FUBP3: variants seen among roughly 807,000 people sequenced by gnomAD.
FUBP3 encodes far upstream element binding protein 3, also known as far upstream element-binding protein 3.
Under a neutral mutation model 85.6 loss-of-function variants are expected in FUBP3, and 28 were observed. That is an observed-to-expected ratio of 0.33 (90% CI 0.24 to 0.45). The LOEUF is 0.45. Among genes scored for constraint, FUBP3 ranks in the 20% least tolerant of loss-of-function variants. The pLI is 1.00. For synonymous variants in FUBP3, 271 were observed against 271.4 expected (o/e 1.00, Z 0.01); for missense variants, 583 against 755.1 (o/e 0.77, Z 2.67).
chr9:130,626,590 G>A lies in FUBP3; in HGVS notation c.1117+85G>A, dbSNP rs1434331964. ...TCACGGGACCTCCAGAACCTTTGGT[G>A]AGGTCCCTTTGCTGCTGCAGGCTGG... is the stretch of plus-strand genomic sequence containing the variant. On this transcript the variant is annotated intron_variant, in intron 12 of 18. Transcript: ENST00000319725. The A allele has an allele frequency of 3.6e-6, 5 of 1,406,770 alleles. No homozygotes were observed. The Admixed American group carries it at 9.2e-5, about 26-fold the overall frequency. The allele number at this position is 1,406,770 out of a possible 1,614,324, so 87.1% of individuals were successfully genotyped here. A position where few individuals can be genotyped will look rare whatever the true frequency, so the allele number is the denominator to read the frequency against.
At position 130,602,611 on chromosome 9, in the gene FUBP3, C is replaced by CT. The variant is rs1364221721; in HGVS notation, c.190+7026dup. On this transcript the variant is annotated intron_variant, in intron 2 of 18. Transcript: ENST00000319725. ...GAAGTGAATCTCAGAAGTGTTGATA[C>CT]TTTCCCTGAATGGGGGATGATGACA... Among the ~76,000 whole-genome samples the CT allele has an allele frequency of 4.6e-5, 7 of 152,250 alleles. No homozygotes were observed. In the East Asian group the frequency reaches 1.4e-3, roughly 30 times the overall value.
At chr9:130,617,483 C>A (rs541030126) in intron 7 of FUBP3, among the ~76,000 whole-genome samples, 1 of 152,348 alleles carries the variant, frequency 6.6e-6, no homozygotes, top group South Asian at 2.1e-4. Context: ...CACAGAAGTT[C>A]TAATCACATA....
At chr9:130,594,684 G>A (rs539652046) in intron 1 of FUBP3, among the ~76,000 whole-genome samples, 3 of 152,140 alleles carry the variant, frequency 2.0e-5, no homozygotes, top group African/African-American at 7.2e-5. Flanking sequence ...ACTTGAGCTT[G>A]GAAAATTGAG....
chr9:130,601,399 AG>A (rs1451681318), intron 2 of FUBP3, among the ~76,000 whole-genome samples: 1 of 151,802 alleles, frequency 6.6e-6, no homozygotes, highest in Non-Finnish European at 1.5e-5. Flanking sequence ...TTTCTTCCTC[AG>A]GAGCATTTTT....
rs898836204 is a variant in FUBP3, at chr9:130,616,099, G to GC, written c.405-255dup. ...CACCTTTGTGGAGACACAAGCATGA[G>GC]CAGAGGGCAGGCTTGAAAGGGGCGG... is the stretch of plus-strand genomic sequence containing the variant. On this transcript the variant is annotated intron_variant, in intron 6 of 18. Coordinates refer to ENST00000319725, the MANE Select transcript of FUBP3 (RefSeq NM_003934.2). This position sits in a 1 kb window ranked among gnomAD's most constrained non-coding sequence, Gnocchi z 4.7. Among the ~76,000 whole-genome samples the GC allele has an allele frequency of 6.6e-6, 1 of 151,854 alleles. No individual in the cohort carries two copies. The highest frequency in any genetic ancestry group is 1.5e-5 in the Non-Finnish European group (1 of 68,040).
intron 2 of FUBP3, chr9:130,596,627 G>A (rs757641815): frequency 4.3e-5 from 18 of 420,170 alleles, no homozygotes; most frequent in South Asian, 3.0e-4. Context: ...TTCCCAAGTA[G>A]CTGGGACTAC....
At position 130,637,031 on chromosome 9, in the gene FUBP3, C is replaced by A. The variant is rs1419908627; in HGVS notation, c.*9C>A. 6.2e-7 allele frequency: 1 copy of A among 1,610,600 alleles called. No individual in the cohort carries two copies. Among genetic ancestry groups the A allele is most frequent in the Admixed American group, 1.7e-5 (1 of 60,012 alleles). On this transcript the variant is annotated 3_prime_UTR_variant, in exon 19 of 19. Transcript: ENST00000319725. The stretch of plus-strand genomic sequence containing the variant: ...GCCCACAGGAGCAGTAGGACAGCGT[C>A]CTCGTGGCCAACTCTCCCCTCAAAA...
rs557745658 is a variant in FUBP3, at chr9:130,626,044, G to A, written c.976-320G>A. Among the ~76,000 whole-genome samples, 5 of 152,218 alleles carry A rather than the reference G, an allele frequency of 3.3e-5. No individual in the cohort carries two copies. The East Asian group carries it at 5.8e-4, about 18-fold the overall frequency. On this transcript the variant is annotated intron_variant, in intron 11 of 18. Coordinates refer to ENST00000319725, the MANE Select transcript of FUBP3 (RefSeq NM_003934.2). The stretch of plus-strand genomic sequence containing the variant: ...AAGCAGTTCTTGATGCCTGTAGATC[G>A]GGGCCCAGTGAGGAAAGCTCCAGGG...
At position 130,626,646 on chromosome 9, in the gene FUBP3, T is replaced by C. The variant is rs904064583; in HGVS notation, c.1117+141T>C. The C allele has an allele frequency of 3.8e-6, 3 of 783,460 alleles. No homozygotes were observed. In the African/African-American group the frequency reaches 5.2e-5, roughly 14 times the overall value. 48.5% of individuals were successfully genotyped at this position (783,460 alleles called of 1,614,324 possible). On this transcript the variant is annotated intron_variant, in intron 12 of 18. Transcript: ENST00000319725. ...CCCGGTCTGGAGGCAGTAGCCACCTTCTGCCGAAACCCTGCTTGGCATGGT... is the reference window on the plus strand; with the variant it reads ...CCCGGTCTGGAGGCAGTAGCCACCTCCTGCCGAAACCCTGCTTGGCATGGT...
intron 2 of FUBP3, among the ~76,000 whole-genome samples, chr9:130,601,504 C>T (rs1831151950): frequency 6.6e-6 from 1 of 152,180 alleles, no homozygotes; most frequent in South Asian, 2.1e-4. Context: ...GAGAGTACAG[C>T]ACTGTCCTCA....
At chr9:130,601,765 G>A (rs1831164028) in intron 2 of FUBP3, among the ~76,000 whole-genome samples, 2 of 149,628 alleles carry the variant, frequency 1.3e-5, no homozygotes, top group Admixed American at 6.6e-5. Context: ...AACCACTGCC[G>A]AAATTATTAA....
At chr9:130,634,382 T>G (rs1830334787) in intron 16 of FUBP3, among the ~76,000 whole-genome samples, 1 of 152,204 alleles carries the variant, frequency 6.6e-6, no homozygotes, top group African/African-American at 2.4e-5. Context: ...TTGGGGAGCC[T>G]CAGAACAGCA....
At chr9:130,599,383 GTATATA>G (rs1208555343) in intron 2 of FUBP3, among the ~76,000 whole-genome samples, 2 of 142,684 alleles carry the variant, frequency 1.4e-5, no homozygotes, top group African/African-American at 5.5e-5. Context: ...GTGTGTGTGT[GTATATA>G]TATATATATG....
intron 6 of FUBP3, among the ~76,000 whole-genome samples, chr9:130,615,393 A>G (rs1219006263): frequency 2.0e-5 from 3 of 152,198 alleles, no homozygotes; most frequent in Non-Finnish European, 4.4e-5. Context: ...TGTCTACCCA[A>G]GGAGCAGAGG....
chr9:130,582,443 A>G (rs1830167993), intron 1 of FUBP3, among the ~76,000 whole-genome samples: 1 of 143,404 alleles, frequency 7.0e-6, no homozygotes, highest in African/African-American at 2.7e-5. Flanking sequence ...AGAGTGAGAC[A>G]CTGTCTCAAA....
chr9:130,628,106 A>ACGCACGCG (rs1387532592), intron 12 of FUBP3, among the ~76,000 whole-genome samples: 1 of 39,560 alleles, frequency 2.5e-5, no homozygotes, highest in South Asian at 6.7e-4. Context: ...ACGCACGCGC[A>ACGCACGCG]CACACACACA....
At position 130,635,724 on chromosome 9, in the gene FUBP3, A is replaced by G; in HGVS notation, c.1583-275A>G. 9.1e-6 allele frequency: 3 copies of G among 331,204 alleles called. No homozygotes were observed. The South Asian group carries it at 1.9e-4, about 21-fold the overall frequency. 20.5% of individuals were successfully genotyped at this position (331,204 alleles called of 1,614,324 possible). On this transcript the variant is annotated intron_variant, in intron 17 of 18. Transcript: ENST00000319725. The surrounding 1 kb of genome is among the most constrained non-coding windows in gnomAD (Gnocchi z 4.3). ...TCTGTCACAGGGCCCTGGGAGCTGA[A>G]GGGGCAGGCAGGGAGATGCAGAGAA...
intron 1 of FUBP3, among the ~76,000 whole-genome samples, chr9:130,585,772 A>G (rs1830314855): frequency 1.3e-5 from 2 of 152,216 alleles, no homozygotes; most frequent in South Asian, 4.1e-4. Context: ...AGATAATTTC[A>G]GCAGTCCCTT....
intron 18 of FUBP3, 90 bp downstream of exon 18, chr9:130,636,216 G>T (rs752547609): frequency 5.0e-5 from 67 of 1,340,462 alleles, no homozygotes; most frequent in Non-Finnish European, 6.9e-5. Context: ...CAGGATGAGA[G>T]CGCTGGGCTA....
Sources: gnomAD v4.1 joint callset for allele counts (sites outside exome capture counted in the v4.1 genomes callset) on GRCh38, gnomAD v4.1.1 for gene constraint, Gnocchi (gnomAD v3.1) non-coding constraint, MANE v1.5 for transcripts, NCBI Gene and HGNC (gene_info 2026-07-23, HGNC 2026-07-21) for gene names.